The following CMPK1 variants were observed in gnomAD, a reference collection of about 807,000 sequenced individuals.
CMPK1 encodes cytidine/uridine monophosphate kinase 1, also known as UMP-CMP kinase.
Under a neutral mutation model 25.7 loss-of-function variants are expected in CMPK1, and 10 were observed. That is an observed-to-expected ratio of 0.39 (90% CI 0.24 to 0.66). The LOEUF is 0.66. CMPK1 is among the 30% of genes least tolerant of loss of function. CMPK1 has a pLI of 0.48. For missense variants in CMPK1, 199 were observed against 280.5 expected, an observed-to-expected ratio of 0.71 and a Z score of 2.08; for synonymous variants, 106 against 101.5, an observed-to-expected ratio of 1.04 and a Z score of -0.27.
rs374285940 is a variant in CMPK1 at position 47,357,146 on chromosome 1, G to C, written c.172-11323G>C. Among the ~76,000 whole-genome samples, 67 of 151,824 alleles carry C rather than the reference G, an allele frequency of 4.4e-4. No individual in the cohort carries two copies. The East Asian group carries it at 0.012, about 27-fold the overall frequency. On this transcript the variant is annotated intron_variant, in intron 1 of 5. Transcript: ENST00000371873. Reference sequence around the variant, plus strand: ...ACCTGGCTAATTTTTTGTATTTTTAGTGGAGATGGGGTTTCACCGTGTTAG... The same window carrying C: ...ACCTGGCTAATTTTTTGTATTTTTACTGGAGATGGGGTTTCACCGTGTTAG...
intron 1 of CMPK1, among the ~76,000 whole-genome samples, chr1:47,351,869 C>T (rs917049184): frequency 6.6e-6 from 1 of 151,752 alleles, no homozygotes; most frequent in Non-Finnish European, 1.5e-5. Flanking sequence ...GGTGTAATGG[C>T]TTACACCTGT....
At chr1:47,359,357 T>C (rs1646585395) in intron 1 of CMPK1, among the ~76,000 whole-genome samples, 1 of 140,248 alleles carries the variant, frequency 7.1e-6, no homozygotes, top group Admixed American at 6.8e-5. Context: ...CAGTGTGGCC[T>C]GTTTAGTGGT....
chr1:47,376,935 G>A lies in CMPK1; in HGVS notation c.*190G>A, dbSNP rs566287088. 8.0e-4 allele frequency: 340 copies of A among 425,868 alleles called. No individual in the cohort carries two copies. The highest frequency in any genetic ancestry group is 1.8e-3 in the Middle Eastern group (3 of 1,656). The allele number at this position is 425,868 out of a possible 1,614,324, so 26.4% of individuals were successfully genotyped here. On this transcript the variant is annotated 3_prime_UTR_variant, in exon 6 of 6. Coordinates refer to ENST00000371873, the MANE Select transcript of CMPK1 (RefSeq NM_016308.3). ...GTCACAGGAGTAGACAGTGAATTCA[G>A]GTTTAACTTCACCTTAGTTATGGTG...
chr1:47,368,795 A>T (rs761833600), intron 2 of CMPK1, among the ~76,000 whole-genome samples, 180 bp downstream of exon 2: 11 of 152,130 alleles, frequency 7.2e-5, no homozygotes, highest in Admixed American at 1.3e-4. Flanking sequence ...CCCCATCTCT[A>T]CAAAAAAATT....
At chr1:47,340,286 C>G (rs1646431995) in intron 1 of CMPK1, among the ~76,000 whole-genome samples, 1 of 148,008 alleles carries the variant, frequency 6.8e-6, no homozygotes, top group Admixed American at 6.8e-5. Flanking sequence ...GGGGTCTCCC[C>G]AGAGCAAGAC....
intron 1 of CMPK1, among the ~76,000 whole-genome samples, chr1:47,350,993 G>A (rs1570361223): frequency 2.0e-5 from 3 of 151,906 alleles, no homozygotes; most frequent in Admixed American, 2.0e-4. Flanking sequence ...CTGTCTCTAC[G>A]AGTTTGCCTA....
At chr1:47,366,076 C>G (rs1188419196) in intron 1 of CMPK1, among the ~76,000 whole-genome samples, 1 of 152,116 alleles carries the variant, frequency 6.6e-6, no homozygotes. Flanking sequence ...CGCCTGTAAT[C>G]CCAGCTGCTT....
intron 1 of CMPK1, among the ~76,000 whole-genome samples, chr1:47,345,597 C>G (rs1156553159): frequency 1.3e-5 from 2 of 149,088 alleles, no homozygotes; most frequent in Admixed American, 6.7e-5. Context: ...GGGTTCACAC[C>G]GTTCTCCTGC....
intron 1 of CMPK1, chr1:47,358,332 C>G (rs1052007128): frequency 1.2e-6 from 1 of 868,102 alleles, no homozygotes; most frequent in Admixed American, 2.3e-5. Flanking sequence ...AGGCTGATCT[C>G]AAACTCCTGG....
chr1:47,349,128 A>C (rs909690868), intron 1 of CMPK1, among the ~76,000 whole-genome samples: 1 of 152,212 alleles, frequency 6.6e-6, no homozygotes, highest in African/African-American at 2.4e-5. Context: ...GTGTGGATAA[A>C]GTTTCTGATC....
intron 1 of CMPK1, among the ~76,000 whole-genome samples, chr1:47,367,308 C>T (rs969606746): frequency 2.6e-5 from 4 of 152,202 alleles, no homozygotes; most frequent in African/African-American, 9.6e-5. Context: ...CATTTGCTGA[C>T]TACCTTACCG....
intron 1 of CMPK1, among the ~76,000 whole-genome samples, chr1:47,343,019 C>T (rs1265481290): frequency 1.4e-5 from 2 of 144,512 alleles, no homozygotes; most frequent in Admixed American, 7.1e-5. Flanking sequence ...CGGAATCTTG[C>T]TCTGTCGCCC....
chr1:47,365,788 T>C (rs768680439), intron 1 of CMPK1, among the ~76,000 whole-genome samples: 4 of 152,218 alleles, frequency 2.6e-5, no homozygotes, highest in Non-Finnish European at 5.9e-5. Flanking sequence ...TCTTAGTGCA[T>C]GATCCGTAAA....
chr1:47,358,182 G>A (rs1265369045), intron 1 of CMPK1: 2 of 400,564 alleles, frequency 5.0e-6, no homozygotes, highest in Non-Finnish European at 9.7e-6. Flanking sequence ...TACAGTTATA[G>A]CTTACTGCCG....
chr1:47,366,865 C>T (rs1011919406), intron 1 of CMPK1, among the ~76,000 whole-genome samples: 3 of 152,118 alleles, frequency 2.0e-5, no homozygotes, highest in Non-Finnish European at 2.9e-5. Flanking sequence ...GCTGGGATTA[C>T]AGGCACCTGC....
chr1:47,355,657 A>G (rs1646555803), intron 1 of CMPK1, among the ~76,000 whole-genome samples: 1 of 148,186 alleles, frequency 6.7e-6, no homozygotes, highest in African/African-American at 2.5e-5. Flanking sequence ...CCCAGGCTGG[A>G]GTGCAGTGGT....
chr1:47,346,390 A>G (rs189208128), intron 1 of CMPK1, among the ~76,000 whole-genome samples: 2 of 152,298 alleles, frequency 1.3e-5, no homozygotes, highest in East Asian at 1.9e-4. Flanking sequence ...CACACTTACT[A>G]ATGAAATGTA....
intron 1 of CMPK1, among the ~76,000 whole-genome samples, chr1:47,343,169 T>C (rs1039959875): frequency 1.3e-5 from 2 of 151,674 alleles, no homozygotes; most frequent in Admixed American, 6.6e-5. Flanking sequence ...GTATTTTTAG[T>C]AGAGATGAGG....
At chr1:47,358,648 C>T (rs1646580085) in intron 1 of CMPK1, 1 of 990,240 alleles carries the variant, frequency 1.0e-6, no homozygotes, top group Non-Finnish European at 1.2e-6. Flanking sequence ...ACCTTAAGCA[C>T]TCTAGTTCAG....
Sources: allele counts gnomAD v4.1 joint callset (sites outside exome capture counted in the v4.1 genomes callset), GRCh38; gene constraint gnomAD v4.1.1; transcripts MANE v1.5; gene names NCBI Gene and HGNC (gene_info 2026-07-23, HGNC 2026-07-21).